Variants in PDE1C observed in about 807,000 individuals in gnomAD.
PDE1C encodes dual specificity calcium/calmodulin-dependent 3',5'-cyclic nucleotide phosphodiesterase 1C.
A neutral mutation model predicts 93.1 loss-of-function variants in PDE1C; 62 were observed. The ratio of observed to expected loss-of-function variants is 0.67; its 90% CI spans 0.54 to 0.82. The LOEUF (loss-of-function observed/expected upper bound fraction) is 0.82, where lower values mean the gene tolerates loss of function less well. PDE1C is among the 40% of genes least tolerant of loss of function. PDE1C has a pLI of 0.00. For synonymous variants in PDE1C, 325 were observed against 310.1 expected, an observed-to-expected ratio of 1.05 and a Z score of -0.50; for missense variants, 742 against 884.6, an observed-to-expected ratio of 0.84 and a Z score of 2.04.
At chr7:31,977,196 G>T (rs895880795) in intron 2 of PDE1C, among the ~76,000 whole-genome samples, 1 of 152,106 alleles carries the variant, frequency 6.6e-6, no homozygotes, top group African/African-American at 2.4e-5. Context: ...AATTAGGATT[G>T]GGTAAAGTCA....
At chr7:32,169,610 G>A (rs1802519005) in intron 3 of PDE1C, among the ~76,000 whole-genome samples, 1 of 152,126 alleles carries the variant, frequency 6.6e-6, no homozygotes, top group African/African-American at 2.4e-5. Flanking sequence ...CTACATTCAG[G>A]AAATACAGCC....
Position 31,815,982 on chromosome 7 carries a change from G to T in PDE1C, c.1755C>A (p.Asp585Glu), listed in dbSNP as rs768463075. The T allele has an allele frequency of 2.5e-6, 4 of 1,613,976 alleles. No individual in the cohort carries two copies. The South Asian group carries it at 3.3e-5, about 13-fold the overall frequency. Residue 585 changes from aspartate to glutamate, a missense_variant, in exon 15 of 18, where the codon GAC (aspartate) becomes GAA (glutamate). This residue lies in a region of PDE1C where 454 missense variants were observed against 459.4 expected (regional missense o/e 0.99). Coordinates refer to ENST00000396191, the MANE Select transcript of PDE1C (RefSeq NM_001191057.4). ...CTTTGGAGTTTTTCCCACGAGGGTT[G>T]TCACTTTTGTTTGCCCGTGTTCCAT... ...QVNGTRANKSDNPRGKNSKAE... is the reference protein window; with the variant it reads ...QVNGTRANKSENPRGKNSKAE...
At chr7:32,049,393 G>A (rs1793036613) in intron 2 of PDE1C, among the ~76,000 whole-genome samples, 1 of 152,034 alleles carries the variant, frequency 6.6e-6, no homozygotes, top group Non-Finnish European at 1.5e-5. Context: ...TTATTTTGTT[G>A]TTGTTGTTGT....
At chr7:32,199,726 C>T (rs905318558) in intron 2 of PDE1C, among the ~76,000 whole-genome samples, 6 of 152,072 alleles carry the variant, frequency 3.9e-5, no homozygotes, top group Middle Eastern at 3.4e-3. Flanking sequence ...TTTAAATAGA[C>T]CTAGTCTTTT....
At chr7:32,224,960 A>G (rs1302553021) in intron 1 of PDE1C, among the ~76,000 whole-genome samples, 1 of 152,064 alleles carries the variant, frequency 6.6e-6, no homozygotes, top group African/African-American at 2.4e-5. Context: ...AAGGCTGGCA[A>G]TGAAGAGATC....
At chr7:32,399,025 C>A (rs550399785) in intron 1 of PDE1C, among the ~76,000 whole-genome samples, 19 of 152,088 alleles carry the variant, frequency 1.2e-4, no homozygotes, top group Non-Finnish European at 2.1e-4. Flanking sequence ...GGGGAGGGGC[C>A]CTGATTTGTG....
chr7:32,155,060 G>A (rs1004658402), intron 3 of PDE1C, among the ~76,000 whole-genome samples: 15 of 149,594 alleles, frequency 1.0e-4, no homozygotes, highest in East Asian at 1.9e-4. Flanking sequence ...GTGTGGCACC[G>A]GCATTGGATC....
At chr7:31,630,386 T>C in the PDE1C span, among the ~76,000 whole-genome samples, 1 of 152,162 alleles carries the variant, frequency 6.6e-6, no homozygotes, top group Non-Finnish European at 1.5e-5. Context: ...ATGATGCAGT[T>C]CAAAATCAGG....
chr7:32,183,811 T>C (rs1242537486), intron 2 of PDE1C, among the ~76,000 whole-genome samples: 2 of 152,046 alleles, frequency 1.3e-5, no homozygotes, highest in African/African-American at 4.8e-5. Flanking sequence ...AGGATCTAAT[T>C]AAACTAAAGA....
chr7:31,958,006 C>T (rs1808390116), intron 2 of PDE1C, among the ~76,000 whole-genome samples: 1 of 152,196 alleles, frequency 6.6e-6, no homozygotes, highest in African/African-American at 2.4e-5. Context: ...TGGTTTTCCA[C>T]TCGCTAGGAG....
intron 14 of PDE1C, among the ~76,000 whole-genome samples, chr7:31,817,127 G>A (rs1191452764): frequency 1.3e-5 from 2 of 152,060 alleles, no homozygotes; most frequent in East Asian, 1.9e-4. Context: ...TATAAAAAGC[G>A]CTTTGCAGAA....
chr7:31,964,085 C>A (rs899813771), intron 2 of PDE1C, among the ~76,000 whole-genome samples: 1 of 152,234 alleles, frequency 6.6e-6, no homozygotes, highest in African/African-American at 2.4e-5. Context: ...GGGTTCATCT[C>A]ACTGGGGAGT....
chr7:31,651,865 T>C, the PDE1C span: 1 of 1,013,348 alleles, frequency 9.9e-7, no homozygotes, highest in Non-Finnish European at 1.5e-6. Context: ...AGAACCTATA[T>C]TATGAGGTGA....
At chr7:32,074,647 T>C (rs1796251540), upstream of PDE1C, among the ~76,000 whole-genome samples, 1 of 151,938 alleles carries the variant, frequency 6.6e-6, no homozygotes, top group Admixed American at 6.6e-5. Context: ...GGAGCATGGA[T>C]GAGGGGATCA....
At chr7:32,313,670 G>A (rs1156750250) in intron 1 of PDE1C, among the ~76,000 whole-genome samples, 23 of 149,566 alleles carry the variant, frequency 1.5e-4, no homozygotes, top group East Asian at 1.4e-3. Flanking sequence ...ACCAAACACC[G>A]CATGTTCTCA....
the PDE1C span, among the ~76,000 whole-genome samples, chr7:31,677,282 A>C: frequency 6.6e-6 from 1 of 152,210 alleles, no homozygotes; most frequent in African/African-American, 2.4e-5. Flanking sequence ...CACAGAAAAG[A>C]AGAAAAATTT....
intron 1 of PDE1C, among the ~76,000 whole-genome samples, chr7:32,374,307 G>GAAAGAAAGA (rs1254001446): frequency 6.2e-5 from 9 of 144,218 alleles, no homozygotes; most frequent in African/African-American, 2.4e-4. Flanking sequence ...AAGAAAGAAA[G>GAAAGAAAGA]AAGAAAAGAA....
At chr7:31,828,454 C>T (rs576042064) in intron 11 of PDE1C, 81 bp from the exon 12 acceptor site, 21 of 890,826 alleles carry the variant, frequency 2.4e-5, no homozygotes, top group Admixed American at 4.1e-5. Flanking sequence ...TCTGCCGCCA[C>T]GGAGGCCACT....
the PDE1C span, among the ~76,000 whole-genome samples, chr7:31,620,819 A>C: frequency 6.6e-6 from 1 of 152,200 alleles, no homozygotes; most frequent in Non-Finnish European, 1.5e-5. Flanking sequence ...AAGCTACAGG[A>C]GGAAATTCAA....
Sources: gnomAD v4.1 joint callset for allele counts (sites outside exome capture counted in the v4.1 genomes callset) on GRCh38, gnomAD v4.1.1 for gene constraint, gnomAD v4.1.1 regional missense constraint, MANE v1.5 for transcripts, NCBI Gene and HGNC (gene_info 2026-07-23, HGNC 2026-07-21) for gene names.